The following USP26 variants were observed in gnomAD, a reference collection of about 807,000 sequenced individuals.
USP26 encodes ubiquitin carboxyl-terminal hydrolase 26.
For missense variants in USP26, 649 were observed against 642.3 expected (o/e 1.01, Z -0.11); for synonymous variants, 236 against 240.6 (o/e 0.98, Z 0.18).
intron 5 of USP26, among the ~76,000 whole-genome samples, chrX:133,047,202 G>C (rs1248109743): frequency 8.9e-6 from 1 of 111,947 alleles, no homozygotes; most frequent in Non-Finnish European, 1.9e-5. Flanking sequence ...CCTTTAGCCT[G>C]AAACAGCAGG....
At chrX:133,081,840 G>C (rs1273944927) in intron 5 of USP26, among the ~76,000 whole-genome samples, 1 of 111,499 alleles carries the variant, frequency 9.0e-6, no homozygotes, top group Non-Finnish European at 1.9e-5. Context: ...CAAGGCACAG[G>C]GTGTGAAGAG....
Position 133,025,920 on chromosome X carries a change from C to T in USP26, c.2301G>A (p.Gly767=), listed in dbSNP as rs1340704107. 16 of 1,210,921 alleles carry T rather than the reference C, an allele frequency of 1.3e-5. No individual in the cohort carries two copies. Among genetic ancestry groups the T allele is most frequent in the Admixed American group, 2.2e-5 (1 of 45,893 alleles). ...PQSFPKPGTQ[G]HTKNLLRPTK... ...TAGGTCTTAGGAGGTTCTTTGTGTG[C>T]CCCTGGGTGCCTGGCTTTGGAAAGC... The change falls in exon 6 of 6, where the codon GGG becomes GGA. Residue 767 remains glycine (G), a synonymous_variant. Transcript: ENST00000511190.
In USP26 at chrX:133,025,735, A is replaced by T; in HGVS notation, c.2486T>A (p.Val829Asp). Residue 829 changes from valine to aspartate, a missense_variant, in exon 6 of 6, where the codon GTT becomes GAT. Physicochemically the swap from Val to Asp is radical, Grantham distance 152. Transcript: ENST00000511190. Reference protein sequence around the residue: ...KGDHTYRLISVVSHLGKTLKS... With the variant: ...KGDHTYRLISDVSHLGKTLKS... ...TAGAGTCTTCCCAAGATGGCTGACA[A>T]CACTAATGAGCCGGTAGGTATGATC... is the stretch of plus-strand genomic sequence containing the variant. The T allele has an allele frequency of 8.3e-7, 1 of 1,211,131 alleles. No individual in the cohort carries two copies. Among genetic ancestry groups the T allele is most frequent in the Non-Finnish European group, 1.1e-6 (1 of 894,867 alleles).
intron 5 of USP26, among the ~76,000 whole-genome samples, chrX:133,051,142 G>C (rs181296207): frequency 9.0e-6 from 1 of 111,505 alleles, no homozygotes; most frequent in African/African-American, 3.3e-5. Context: ...CTAGGATATG[G>C]AGGACATATG....
At chrX:133,074,187 G>A (rs2067540152) in intron 5 of USP26, among the ~76,000 whole-genome samples, 2 of 112,129 alleles carry the variant, frequency 1.8e-5, no homozygotes, top group Non-Finnish European at 3.8e-5. Context: ...TTCTGGCTTT[G>A]CCAGTATCAG....
intron 4 of USP26, among the ~76,000 whole-genome samples, chrX:133,084,142 A>T (rs542003003): frequency 8.9e-6 from 1 of 112,393 alleles, no homozygotes; most frequent in South Asian, 3.7e-4. Flanking sequence ...CAGCCACAGT[A>T]CAGCACTCTC....
chrX:133,095,964 CGAACTCCT>C (rs954749351), intron 1 of USP26, among the ~76,000 whole-genome samples: 34 of 108,435 alleles, frequency 3.1e-4, no homozygotes, highest in Middle Eastern at 4.3e-3. Context: ...AGGCTAGTCT[CGAACTCCT>C]GACCTCAGGA....
intron 5 of USP26, among the ~76,000 whole-genome samples, chrX:133,039,770 C>T (rs770620943): frequency 4.0e-4 from 45 of 111,253 alleles, no homozygotes; most frequent in South Asian, 7.6e-4. Context: ...TTCATTGATC[C>T]GTCTAATATC....
intron 4 of USP26, among the ~76,000 whole-genome samples, chrX:133,087,716 G>C (rs2067594460): frequency 8.9e-6 from 1 of 112,215 alleles, no homozygotes; most frequent in African/African-American, 3.2e-5. Context: ...TTTTCATGAA[G>C]TATTAAGAAA....
rs1162922333 is a variant in USP26 at position 133,090,703 on chromosome X, T to C, written c.-256+15A>G. On this transcript the variant is annotated intron_variant, in intron 3 of 5. Transcript: ENST00000511190. ...AGCAATCTAGGGGGAACAGCACAGA[T>C]GCAGGAATGCTTACCAATCAACCCT... 8.9e-6 allele frequency: 1 copy of C among 112,422 alleles called. No individual in the cohort carries two copies. 9.3% of individuals were successfully genotyped at this position (112,422 alleles called of 1,213,427 possible). A position where few individuals can be genotyped will look rare whatever the true frequency, so the allele number is the denominator to read the frequency against.
chrX:133,096,552 C>A lies in USP26; in HGVS notation c.-393+478G>T, dbSNP rs770255184. 1.8e-5 allele frequency among the ~76,000 whole-genome samples: 2 copies of A among 111,818 alleles called. 1 individual carries two copies. Among genetic ancestry groups the A allele is most frequent in the Admixed American group, 1.9e-4 (2 of 10,528 alleles). ...TAATGGCCATTAACTGTCCTAATAC[C>A]GTGCACAATCCCTCCCAATGGGAAG... On this transcript the variant is annotated intron_variant, in intron 1 of 5. Coordinates refer to ENST00000511190, the MANE Select transcript of USP26 (RefSeq NM_031907.3).
chrX:133,089,345 A>G (rs1206958541), intron 4 of USP26, among the ~76,000 whole-genome samples: 1 of 111,866 alleles, frequency 8.9e-6, no homozygotes, highest in African/African-American at 3.2e-5. Flanking sequence ...TCACAACCCA[A>G]ATGTGACTTT....
chrX:133,051,755 G>A (rs983236170), intron 5 of USP26, among the ~76,000 whole-genome samples: 6 of 112,240 alleles, frequency 5.3e-5, no homozygotes, highest in Non-Finnish European at 1.1e-4. Flanking sequence ...AGAGCCTGTA[G>A]TTGGGGTTAC....
At chrX:133,078,006 C>A (rs969448489) in intron 5 of USP26, among the ~76,000 whole-genome samples, 1 of 111,137 alleles carries the variant, frequency 9.0e-6, no homozygotes, top group African/African-American at 3.3e-5. Context: ...ATCACCTGAG[C>A]CCAGGAAGTT....
intron 5 of USP26, among the ~76,000 whole-genome samples, chrX:133,048,231 T>A (rs1228621477): frequency 9.0e-6 from 1 of 111,626 alleles, no homozygotes; most frequent in Non-Finnish European, 1.9e-5. Flanking sequence ...TCTGGTGATA[T>A]TTTGAAGAGC....
At chrX:133,095,524 A>T (rs1037759943) in intron 1 of USP26, among the ~76,000 whole-genome samples, 1 of 112,494 alleles carries the variant, frequency 8.9e-6, no homozygotes, top group African/African-American at 3.2e-5. Context: ...AATGCACTCA[A>T]TCGACAGTTA....
intron 5 of USP26, among the ~76,000 whole-genome samples, chrX:133,063,315 A>G (rs1250286834): frequency 1.8e-5 from 2 of 111,625 alleles, no homozygotes; most frequent in Non-Finnish European, 3.8e-5. Flanking sequence ...TCAGGATATT[A>G]TCACGGAAAA....
intron 5 of USP26, among the ~76,000 whole-genome samples, chrX:133,079,339 C>A (rs1166387649): frequency 8.9e-6 from 1 of 111,924 alleles, no homozygotes; most frequent in Admixed American, 9.6e-5. Flanking sequence ...CTCACAACAG[C>A]CCCTTTAAGA....
chrX:133,073,940 T>C (rs2067538908), intron 5 of USP26, among the ~76,000 whole-genome samples: 1 of 111,164 alleles, frequency 9.0e-6, no homozygotes. Flanking sequence ...ATCATTTCAC[T>C]ATAGTTCCAT....
Sources: allele counts gnomAD v4.1 joint callset (sites outside exome capture counted in the v4.1 genomes callset), GRCh38; gene constraint gnomAD v4.1.1; transcripts MANE v1.5; gene names NCBI Gene and HGNC (gene_info 2026-07-23, HGNC 2026-07-21).